CYP4F8: variants seen among roughly 807,000 people sequenced by gnomAD.
CYP4F8 encodes the protein cytochrome P450 4F8.
CYP4F8 carries 56 observed loss-of-function variants against 55.0 expected under a neutral mutation model. The ratio of observed to expected loss-of-function variants is 1.02; its 90% CI spans 0.82 to 1.27. The LOEUF (loss-of-function observed/expected upper bound fraction) is 1.27, where lower values mean the gene tolerates loss of function less well. Ranked by LOEUF, CYP4F8 falls within the 50% of genes most tolerant of loss-of-function variation. The pLI is 0.00. For synonymous variants in CYP4F8, 288 were observed against 267.3 expected (o/e 1.08, Z -0.76); for missense variants, 680 against 682.4 (o/e 1.00, Z 0.04).
intron 6 of CYP4F8, 172 bp from the exon 7 acceptor site, chr19:15,622,933 C>G (rs2072602): frequency 2.8e-6 from 2 of 712,072 alleles, no homozygotes; most frequent in African/African-American, 3.6e-5. Flanking sequence ...AAGCTGTGCC[C>G]TGGGGACCTG....
intron 5 of CYP4F8, among the ~76,000 whole-genome samples, chr19:15,621,198 C>T (rs1296362776): frequency 1.3e-5 from 2 of 152,072 alleles, no homozygotes; most frequent in African/African-American, 4.8e-5. Context: ...TACCTTATAC[C>T]CCAAGGCTGT....
At chr19:15,621,973 T>C (rs2144605944) in intron 5 of CYP4F8, 2 of 416,268 alleles carry the variant, frequency 4.8e-6, no homozygotes, top group East Asian at 9.8e-5. Flanking sequence ...AGAGGAGGGC[T>C]GTGAGTTGAC....
chr19:15,623,561 A>G, intron 7 of CYP4F8, 138 bp from the exon 8 acceptor site: 1 of 987,670 alleles, frequency 1.0e-6, no homozygotes, highest in Non-Finnish European at 1.4e-6. Context: ...AACAAACAGG[A>G]GGTCGGAAGG....
At chr19:15,618,462 G>C (rs1972152592) in intron 3 of CYP4F8, 2 of 435,060 alleles carry the variant, frequency 4.6e-6, no homozygotes, top group Non-Finnish European at 8.7e-6. Context: ...ACTTCATGGG[G>C]TTCAGAATGG....
At chr19:15,623,861 TCCCCCTC>T in intron 8 of CYP4F8, 96 bp downstream of exon 8, 1 of 1,591,114 alleles carries the variant, frequency 6.3e-7, no homozygotes, top group African/African-American at 1.3e-5. Flanking sequence ...CTGCCCAACC[TCCCCCTC>T]CCCTCAACCT....
At chr19:15,618,898 C>T (rs1972157637) in intron 3 of CYP4F8, 1 of 170,522 alleles carries the variant, frequency 5.9e-6, no homozygotes, top group African/African-American at 2.4e-5. Context: ...CTCTGCCCTT[C>T]CCATCTTTGG....
chr19:15,628,072 T>C (rs759745689), intron 9 of CYP4F8: 13 of 637,292 alleles, frequency 2.0e-5, no homozygotes, highest in Non-Finnish European at 3.1e-5. Flanking sequence ...ATGAATACTT[T>C]TAAGAGACAC....
intron 6 of CYP4F8, 56 bp downstream of exon 6, chr19:15,622,396 G>C: frequency 6.3e-7 from 1 of 1,588,090 alleles, no homozygotes; most frequent in Non-Finnish European, 8.6e-7. Flanking sequence ...GTGGGTGTGG[G>C]GAGAGCAAAG....
chr19:15,623,018 A>C, intron 6 of CYP4F8, 87 bp from the exon 7 acceptor site: 2 of 1,457,966 alleles, frequency 1.4e-6, no homozygotes, highest in Non-Finnish European at 9.3e-7. Flanking sequence ...TCTGCATGGA[A>C]TGTGGTCCTG....
intron 11 of CYP4F8, 76 bp from the exon 12 acceptor site, chr19:15,628,685 C>G: frequency 6.2e-7 from 1 of 1,607,590 alleles, no homozygotes; most frequent in Non-Finnish European, 8.5e-7. Context: ...TCTACTCCAC[C>G]CACATCTGTT....
intron 11 of CYP4F8, 49 bp downstream of exon 11, chr19:15,628,644 G>C: frequency 1.2e-6 from 2 of 1,608,428 alleles, no homozygotes; most frequent in East Asian, 4.5e-5. Context: ...TCGGGGGAGG[G>C]GTCTTGTCCC....
Position 15,615,703 on chromosome 19 carries a change from G to A in CYP4F8, c.87G>A (p.Trp29Ter). 1 of 1,613,764 alleles carries A rather than the reference G, an allele frequency of 6.2e-7. No individual in the cohort carries two copies. The highest frequency in any genetic ancestry group is 1.1e-5 in the South Asian group (1 of 91,060). The change falls in exon 2 of 13, where the codon TGG (tryptophan) becomes TGA (stop). Residue 29 changes from tryptophan to a stop codon, truncating the protein, a stop_gained. Coordinates refer to ENST00000612078, the MANE Select transcript of CYP4F8 (RefSeq NM_007253.4). LOFTEE classifies it high-confidence loss of function. ...WLLLLVVGAS[W>*]LLARILAWTY... is the part of the protein sequence containing the mutation. ...TCCTGCTGGTGGTCGGGGCCTCCTGGCTCCTGGCCCGCATCCTGGCCTGGA... is the reference window on the plus strand; with the variant it reads ...TCCTGCTGGTGGTCGGGGCCTCCTGACTCCTGGCCCGCATCCTGGCCTGGA...
rs1972309385 is a variant in CYP4F8 at position 15,629,521 on chromosome 19, A to G, written c.*163A>G. 2.0e-6 allele frequency: 2 copies of G among 996,046 alleles called. No homozygotes were observed. Among genetic ancestry groups the G allele is most frequent in the African/African-American group, 3.3e-5 (2 of 60,654 alleles). 61.7% of individuals were successfully genotyped at this position (996,046 alleles called of 1,614,324 possible). ...GCGGGGATCTAGGGCCTGGCTGGGA[A>G]GAGGCGGGGAGATGTCTCTGTGCCC... On this transcript the variant is annotated 3_prime_UTR_variant, in exon 13 of 13. Coordinates refer to ENST00000612078, the MANE Select transcript of CYP4F8 (RefSeq NM_007253.4).
chr19:15,629,470 TGGCCAGTAGGG>T lies in CYP4F8; in HGVS notation c.*116_*126del. 1 of 1,388,702 alleles carries T rather than the reference TGGCCAGTAGGG, an allele frequency of 7.2e-7. No homozygotes were observed. The highest frequency in any genetic ancestry group is 9.5e-7 in the Non-Finnish European group (1 of 1,056,868). 86.0% of individuals were successfully genotyped at this position (1,388,702 alleles called of 1,614,324 possible). A position where few individuals can be genotyped will look rare whatever the true frequency, so the allele number is the denominator to read the frequency against. ...GGCCCCTGTGCCTCAGTCCCGCGGA[TGGCCAGTAGGG>T]GGCGCTGGAGGACTGCGGGGATCTA... On this transcript the variant is annotated 3_prime_UTR_variant, in exon 13 of 13. Transcript: ENST00000612078.
Position 15,619,982 on chromosome 19 carries a change from A to G in CYP4F8, c.525+220A>G, listed in dbSNP as rs77323966. Among the ~76,000 whole-genome samples, 871 of 152,306 alleles carry G rather than the reference A, an allele frequency of 5.7e-3. 9 individuals are homozygous for G. The highest frequency in any genetic ancestry group is 0.019 in the African/African-American group (804 of 41,568). On this transcript the variant is annotated intron_variant, in intron 5 of 12. Transcript: ENST00000612078. ...CTTAGTAGGTGGTCAGAAGGAGTCA[A>G]TTTCCACATTTTTCTCACAGAAGCC... is the stretch of plus-strand genomic sequence containing the variant.
chr19:15,619,867 C>T lies in CYP4F8; in HGVS notation c.525+105C>T, dbSNP rs894319464. 1.4e-5 allele frequency: 20 copies of T among 1,387,524 alleles called. 1 individual carries two copies. The Admixed American group carries it at 4.4e-4, about 31-fold the overall frequency. 86.0% of individuals were successfully genotyped at this position (1,387,524 alleles called of 1,614,324 possible). On this transcript the variant is annotated intron_variant, in intron 5 of 12. Coordinates refer to ENST00000612078, the MANE Select transcript of CYP4F8 (RefSeq NM_007253.4). ...CTCCTGGGTGGGTTTGGGGCCATTGCTCTTCCTCTCTGTGCCTTGATTTCC... is the reference window on the plus strand; with the variant it reads ...CTCCTGGGTGGGTTTGGGGCCATTGTTCTTCCTCTCTGTGCCTTGATTTCC...
chr19:15,615,940 T>TTCCTCTGATCACTCACTCAC, intron 2 of CYP4F8, 126 bp downstream of exon 2: 1 of 961,010 alleles, frequency 1.0e-6, no homozygotes, highest in Non-Finnish European at 1.4e-6. Flanking sequence ...CACTCACTCA[T>TTCCTCTGATCACTCACTCAC]TCCTCTTCCC....
At chr19:15,625,629 C>T (rs1247870563) in intron 9 of CYP4F8, among the ~76,000 whole-genome samples, 1 of 151,868 alleles carries the variant, frequency 6.6e-6, no homozygotes, top group Non-Finnish European at 1.5e-5. Flanking sequence ...TTTGTGTTTA[C>T]AGTTTTTTTT....
chr19:15,615,628 G>C lies in CYP4F8; in HGVS notation c.12G>C (p.Leu4=), dbSNP rs749153624. MSL[L]SLSWLGLRPV... ...GTCTGCCCTGCAGGATGTCGCTGCT[G>C]AGCCTGTCTTGGCTGGGCCTCAGGC... The change falls in exon 2 of 13, where the codon CTG becomes CTC. Residue 4 remains leucine, a synonymous_variant. Coordinates refer to ENST00000612078, the MANE Select transcript of CYP4F8 (RefSeq NM_007253.4). 1.9e-6 allele frequency: 3 copies of C among 1,613,546 alleles called. No individual in the cohort carries two copies. Among genetic ancestry groups the C allele is most frequent in the Admixed American group, 1.7e-5 (1 of 59,970 alleles).
Sources: gnomAD v4.1 joint callset for allele counts (sites outside exome capture counted in the v4.1 genomes callset) on GRCh38, gnomAD v4.1.1 for gene constraint, MANE v1.5 for transcripts, NCBI Gene and HGNC (gene_info 2026-07-23, HGNC 2026-07-21) for gene names.